The following ZFHX3 variants were observed in gnomAD, a reference collection of about 807,000 sequenced individuals.
ZFHX3 encodes zinc finger homeobox protein 3.
A neutral mutation model predicts 279.1 loss-of-function variants in ZFHX3; 42 were observed. That is an observed-to-expected ratio of 0.15 (90% CI 0.12 to 0.19). The LOEUF is 0.19. ZFHX3 is among the 10% of genes least tolerant of loss of function. The pLI is 1.00. For synonymous variants in ZFHX3, 2,293 were observed against 1,957.8 expected, an observed-to-expected ratio of 1.17 and a Z score of -4.52; for missense variants, 4,981 against 4,754.0, an observed-to-expected ratio of 1.05 and a Z score of -1.40.
intron 4 of ZFHX3, among the ~76,000 whole-genome samples, chr16:73,298,307 C>T (rs1459970195): frequency 1.3e-5 from 2 of 151,696 alleles, no homozygotes; most frequent in African/African-American, 4.8e-5. Flanking sequence ...GCCTCAGCCT[C>T]CCGAGTAGCT....
Position 72,795,605 on chromosome 16 carries a change from C to T in ZFHX3, c.7077G>A (p.Gly2359=). The change falls in exon 9 of 10, where the codon GGG becomes GGA. Residue 2359 remains glycine, a synonymous_variant. Coordinates refer to ENST00000268489, the MANE Select transcript of ZFHX3 (RefSeq NM_006885.4). ...AATCCTCATTTTGGCTGTCGTCCTG[C>T]CCCTCCTCATCCTCATCCTTGTAAC... ...KLCYKDEDEE[G]QDDSQNEDSM... is the part of the protein sequence containing the mutation. 3 of 1,613,780 alleles carry T rather than the reference C, an allele frequency of 1.9e-6. No homozygotes were observed. Among genetic ancestry groups the T allele is most frequent in the Non-Finnish European group, 2.5e-6 (3 of 1,179,878 alleles).
At chr16:72,809,000 G>A (rs1316551561) in intron 7 of ZFHX3, among the ~76,000 whole-genome samples, 1 of 152,128 alleles carries the variant, frequency 6.6e-6, no homozygotes, top group African/African-American at 2.4e-5. Flanking sequence ...AATCTCTTAG[G>A]GATTGGCACC....
chr16:73,713,632 T>C (rs1204006528), intron 1 of ZFHX3, among the ~76,000 whole-genome samples: 1 of 151,924 alleles, frequency 6.6e-6, no homozygotes, highest in Non-Finnish European at 1.5e-5. Flanking sequence ...TATTAGCTTT[T>C]TTTTTTTTTT....
intron 7 of ZFHX3, among the ~76,000 whole-genome samples, chr16:73,115,376 A>AC (rs1966419394): frequency 1.0e-5 from 1 of 98,968 alleles, no homozygotes; most frequent in Non-Finnish European, 2.3e-5. Flanking sequence ...CCCTATCTCT[A>AC]CAAAAAAAAA....
intron 5 of ZFHX3, among the ~76,000 whole-genome samples, chr16:73,216,322 G>T (rs2012206205): frequency 6.6e-6 from 1 of 152,148 alleles, no homozygotes; most frequent in Non-Finnish European, 1.5e-5. Flanking sequence ...TGTCATTCAA[G>T]GTCCCCAGCA....
chr16:72,917,796 T>A (rs1401238286), intron 3 of ZFHX3, among the ~76,000 whole-genome samples: 2 of 152,088 alleles, frequency 1.3e-5, no homozygotes, highest in Admixed American at 6.5e-5. Flanking sequence ...ATTTCCAAAA[T>A]TTTTTTTACA....
chr16:73,218,044 T>G (rs917913001), intron 5 of ZFHX3, among the ~76,000 whole-genome samples: 1 of 152,198 alleles, frequency 6.6e-6, no homozygotes, highest in African/African-American at 2.4e-5. Flanking sequence ...AAAAGCTTTT[T>G]GTCACTCCAT....
At chr16:73,779,297 A>T (rs567790769) in intron 1 of ZFHX3, among the ~76,000 whole-genome samples, 6 of 152,356 alleles carry the variant, frequency 3.9e-5, no homozygotes, top group African/African-American at 1.2e-4. Context: ...TGTTGGAATG[A>T]AACACTATTC....
chr16:73,191,852 G>A (rs781383979), intron 5 of ZFHX3, among the ~76,000 whole-genome samples: 14 of 152,192 alleles, frequency 9.2e-5, no homozygotes, highest in Non-Finnish European at 1.9e-4. Context: ...GCTTGTAGCC[G>A]CGGTGGGGCC....
At chr16:73,867,207 C>T (rs566099899) in intron 1 of ZFHX3, among the ~76,000 whole-genome samples, 1 of 152,256 alleles carries the variant, frequency 6.6e-6, no homozygotes, top group African/African-American at 2.4e-5. Context: ...CTCTATGAGC[C>T]AATTCCAGTG....
intron 3 of ZFHX3, among the ~76,000 whole-genome samples, chr16:73,444,410 C>T (rs1265185464): frequency 6.6e-6 from 1 of 152,192 alleles, no homozygotes; most frequent in African/African-American, 2.4e-5. Context: ...TTCTCTCTAC[C>T]TTATTCAATG....
chr16:73,790,309 A>T (rs1350213675), intron 1 of ZFHX3, among the ~76,000 whole-genome samples: 2 of 151,896 alleles, frequency 1.3e-5, no homozygotes, highest in Non-Finnish European at 2.9e-5. Flanking sequence ...ATAGAGAAAA[A>T]GTGGCACTAG....
Position 72,957,657 on chromosome 16 carries a change from T to C in ZFHX3, c.2489A>G (p.His830Arg). The change falls in exon 2 of 10, where the codon CAT becomes CGT. Residue 830 changes from histidine (H) to arginine (R), a missense_variant. His to Arg is a conservative substitution (Grantham distance 29). Transcript: ENST00000268489. ...RIHMTSEKHM[H>R]NMMLLQQNMT... ...GTTCTGTTGCAGTAACATCATGTTA[T>C]GCATGTGCTTCTCACTGGTCATGTG... The C allele has an allele frequency of 6.2e-7, 1 of 1,614,212 alleles. No individual in the cohort carries two copies. Among genetic ancestry groups the C allele is most frequent in the Non-Finnish European group, 8.5e-7 (1 of 1,180,034 alleles).
intron 5 of ZFHX3, among the ~76,000 whole-genome samples, chr16:72,817,862 CA>C (rs1362742787): frequency 2.6e-5 from 4 of 152,338 alleles, no homozygotes; most frequent in African/African-American, 9.6e-5. Flanking sequence ...CCCCACCTCT[CA>C]ACCATCAGAC....
At chr16:73,239,771 G>A (rs1222432754) in intron 5 of ZFHX3, among the ~76,000 whole-genome samples, 1 of 152,156 alleles carries the variant, frequency 6.6e-6, no homozygotes, top group Non-Finnish European at 1.5e-5. Context: ...GACCTCCCTG[G>A]CAGTGCTAGA....
intron 7 of ZFHX3, among the ~76,000 whole-genome samples, chr16:73,109,220 G>T (rs575466021): frequency 6.6e-6 from 1 of 152,222 alleles, no homozygotes; most frequent in Non-Finnish European, 1.5e-5. Context: ...GGATGTGAAC[G>T]CATGCGTGTG....
intron 8 of ZFHX3, among the ~76,000 whole-genome samples, chr16:73,068,179 C>T (rs1362441807): frequency 1.3e-5 from 2 of 152,180 alleles, no homozygotes; most frequent in African/African-American, 2.4e-5. Flanking sequence ...TTAAGTCACT[C>T]ACTTAAGGTC....
chr16:73,844,908 T>G (rs1013598964), intron 1 of ZFHX3, among the ~76,000 whole-genome samples: 2 of 151,800 alleles, frequency 1.3e-5, no homozygotes, highest in African/African-American at 4.8e-5. Flanking sequence ...GAATAGATGA[T>G]AGATAGCCCT....
intron 4 of ZFHX3, among the ~76,000 whole-genome samples, chr16:73,289,576 G>A (rs2014716919): frequency 6.6e-6 from 1 of 151,960 alleles, no homozygotes; most frequent in Non-Finnish European, 1.5e-5. Flanking sequence ...CACAGCTGAG[G>A]TCCTAGGCTG....
Sources: gnomAD v4.1 joint callset for allele counts (sites outside exome capture counted in the v4.1 genomes callset) on GRCh38, gnomAD v4.1.1 for gene constraint, MANE v1.5 for transcripts, NCBI Gene and HGNC (gene_info 2026-07-23, HGNC 2026-07-21) for gene names.